The following SLC14A2 variants were observed in gnomAD, a reference collection of about 807,000 sequenced individuals.
SLC14A2 encodes the protein solute carrier family 14 member 2.
In SLC14A2, 91 loss-of-function variants were observed where a neutral mutation model predicts 104.6. That is an observed-to-expected ratio of 0.87 (90% CI 0.73 to 1.04). The LOEUF (loss-of-function observed/expected upper bound fraction) is 1.04. Among genes scored for constraint, SLC14A2 ranks in the 50% least tolerant of loss-of-function variants. The pLI is 0.00. For missense variants in SLC14A2, 1,189 were observed against 1,156.0 expected, an observed-to-expected ratio of 1.03 and a Z score of -0.41; for synonymous variants, 476 against 466.4, an observed-to-expected ratio of 1.02 and a Z score of -0.27.
At chr18:45,582,600 C>A (rs538070074) in intron 2 of SLC14A2, among the ~76,000 whole-genome samples, 1 of 152,240 alleles carries the variant, frequency 6.6e-6, no homozygotes, top group African/African-American at 2.4e-5. Flanking sequence ...AAACTTTAGT[C>A]CAACGTGCTG....
chr18:45,623,627 T>A (rs4890291), intron 1 of SLC14A2, among the ~76,000 whole-genome samples: 39,216 of 152,052 alleles, frequency 0.26, 6,060 homozygotes, highest in African/African-American at 0.44. Flanking sequence ...CAAAATTAGA[T>A]AGGGGACTTT....
chr18:45,226,077 C>G (rs2084113298), intron 1 of SLC14A2, among the ~76,000 whole-genome samples: 1 of 152,116 alleles, frequency 6.6e-6, no homozygotes, highest in Non-Finnish European at 1.5e-5. Context: ...AAATGCTCAT[C>G]ATCACTGGCC....
At chr18:45,452,641 A>C (rs1568212767) in intron 1 of SLC14A2, among the ~76,000 whole-genome samples, 1 of 152,150 alleles carries the variant, frequency 6.6e-6, no homozygotes, top group African/African-American at 2.4e-5. Flanking sequence ...AACACCATGG[A>C]CTAGAAAAAC....
intron 6 of SLC14A2, among the ~76,000 whole-genome samples, chr18:45,638,220 G>T (rs2045456403): frequency 6.6e-6 from 1 of 152,154 alleles, no homozygotes; most frequent in African/African-American, 2.4e-5. Flanking sequence ...CTGGTACAAA[G>T]TGTTTTCTGG....
At chr18:45,177,978 G>GA in the SLC14A2 span, among the ~76,000 whole-genome samples, 3 of 152,096 alleles carry the variant, frequency 2.0e-5, no homozygotes, top group Non-Finnish European at 4.4e-5. Context: ...TTCCATATCA[G>GA]AAAAATGTCT....
At chr18:45,493,696 CAA>C (rs2043040881) in intron 2 of SLC14A2, among the ~76,000 whole-genome samples, 1 of 152,170 alleles carries the variant, frequency 6.6e-6, no homozygotes, top group East Asian at 1.9e-4. Flanking sequence ...ACTCCTAGGC[CAA>C]AATTACCTTC....
At chr18:45,181,789 C>G in the SLC14A2 span, among the ~76,000 whole-genome samples, 173 of 143,700 alleles carry the variant, frequency 1.2e-3, no homozygotes, top group African/African-American at 4.0e-3. Context: ...AAGAAATTTA[C>G]AGAAAAACAG....
At chr18:45,409,421 T>C (rs2086190852) in intron 1 of SLC14A2, among the ~76,000 whole-genome samples, 1 of 152,222 alleles carries the variant, frequency 6.6e-6, no homozygotes, top group African/African-American at 2.4e-5. Context: ...CTGCCTACCG[T>C]AATCTTCATT....
intron 6 of SLC14A2, among the ~76,000 whole-genome samples, chr18:45,639,248 A>G (rs1035962126): frequency 1.6e-4 from 24 of 152,214 alleles, no homozygotes; most frequent in African/African-American, 5.8e-4. Context: ...AAGGGTGACA[A>G]AGACCTCAGA....
At chr18:45,329,781 T>C (rs2085271265) in intron 1 of SLC14A2, among the ~76,000 whole-genome samples, 1 of 152,120 alleles carries the variant, frequency 6.6e-6, no homozygotes, top group South Asian at 2.1e-4. Context: ...AGGAAAAAGA[T>C]AGAAGGAGAT....
chr18:45,568,859 T>C (rs1214155531), intron 2 of SLC14A2, among the ~76,000 whole-genome samples: 1 of 152,192 alleles, frequency 6.6e-6, no homozygotes, highest in African/African-American at 2.4e-5. Context: ...CATATCAATC[T>C]GGAATAAAAC....
chr18:45,256,578 G>A (rs907964305), intron 1 of SLC14A2, among the ~76,000 whole-genome samples: 3 of 152,134 alleles, frequency 2.0e-5, no homozygotes, highest in Non-Finnish European at 4.4e-5. Flanking sequence ...TCGGTGGAAG[G>A]CATCTTAATG....
chr18:45,475,064 C>T lies in SLC14A2; in HGVS notation c.-124-8169C>T, dbSNP rs553371269. On this transcript the variant is annotated intron_variant, in intron 1 of 20. Transcript: ENST00000586448. ...ACTGCTTTAGCTGTGTCCCAGAGAT[C>T]CTGGTATGTTGTGTCTTTCTTCTCA... 7.2e-4 allele frequency among the ~76,000 whole-genome samples: 110 copies of T among 152,170 alleles called. 1 individual carries two copies. Among genetic ancestry groups the T allele is most frequent in the Admixed American group, 2.0e-3 (31 of 15,272 alleles).
chr18:45,290,824 G>C (rs192523883), intron 1 of SLC14A2, among the ~76,000 whole-genome samples: 1 of 152,134 alleles, frequency 6.6e-6, no homozygotes, highest in East Asian at 1.9e-4. Context: ...TTCATATGTG[G>C]GTTGCATTAT....
Position 45,672,951 on chromosome 18 carries a change from C to T in SLC14A2, c.2281C>T (p.Pro761Ser), listed in dbSNP as rs530954569. 8 of 1,614,052 alleles carry T rather than the reference C, an allele frequency of 5.0e-6. No individual in the cohort carries two copies. The South Asian group carries it at 8.8e-5, about 18-fold the overall frequency. Residue 761 changes from proline (P) to serine (S), a missense_variant, in exon 17 of 20, where the codon CCC becomes TCC. Physicochemically the swap from Pro to Ser is moderately conservative, Grantham distance 74 (BLOSUM62 -1). Transcript: ENST00000255226. ...GIGQVYGCDN[P>S]WTGGIFLIAL... ...TGGCCAAGTGTACGGCTGTGATAAC[C>T]CCTGGACTGGAGGCATCTTCCTCAT...
At chr18:45,452,349 A>G (rs1398620990) in intron 1 of SLC14A2, among the ~76,000 whole-genome samples, 5 of 152,236 alleles carry the variant, frequency 3.3e-5, no homozygotes. Flanking sequence ...ATTATTGCCA[A>G]TCATCCAAGA....
intron 1 of SLC14A2, among the ~76,000 whole-genome samples, chr18:45,414,751 A>ATATATATATATATAT (rs1568189973): frequency 1.6e-4 from 11 of 70,892 alleles, no homozygotes; most frequent in African/African-American, 6.4e-4. Context: ...GCGTAAAAAA[A>ATATATATATATATAT]AAAAAAATAT....
rs186244640 is a variant in SLC14A2 at position 45,422,589 on chromosome 18, T to C, written c.-124-60644T>C. Among the ~76,000 whole-genome samples the C allele has an allele frequency of 3.1e-3, 465 of 152,096 alleles. 2 individuals carry two copies. The highest frequency in any genetic ancestry group is 0.011 in the African/African-American group (443 of 41,482). On this transcript the variant is annotated intron_variant, in intron 1 of 20. Coordinates refer to the SLC14A2 transcript ENST00000586448. Reference sequence around the variant, plus strand: ...CCAGGGAGAGGGGCAGATTCAGGAATCACCCACAGAGCAGCCTGTGAGAGG... The same window carrying C: ...CCAGGGAGAGGGGCAGATTCAGGAACCACCCACAGAGCAGCCTGTGAGAGG...
At chr18:45,568,572 T>C (rs577866707) in intron 2 of SLC14A2, among the ~76,000 whole-genome samples, 4 of 152,312 alleles carry the variant, frequency 2.6e-5, no homozygotes, top group African/African-American at 9.6e-5. Flanking sequence ...GCCACAGAAT[T>C]AATTGCTGAG....
Sources: gnomAD v4.1 joint callset for allele counts (sites outside exome capture counted in the v4.1 genomes callset) on GRCh38, gnomAD v4.1.1 for gene constraint, MANE v1.5 for transcripts, NCBI Gene and HGNC (gene_info 2026-07-23, HGNC 2026-07-21) for gene names.